Variants in SBF2 observed in about 807,000 individuals in gnomAD.
SBF2 encodes myotubularin-related protein 13.
In SBF2, 112 loss-of-function variants were observed where a neutral mutation model predicts 225.2. The ratio of observed to expected loss-of-function variants is 0.50; its 90% confidence interval spans 0.43 to 0.58. SBF2 has a LOEUF of 0.58. Among genes scored for constraint, SBF2 ranks in the 20% least tolerant of loss-of-function variants. The pLI is 0.00. For missense variants in SBF2, 1,996 were observed against 2,206.2 expected (o/e 0.90, Z 1.91); for synonymous variants, 763 against 773.3 (o/e 0.99, Z 0.22).
chr11:9,999,285 GTA>G (rs1947842970), intron 8 of SBF2, among the ~76,000 whole-genome samples: 1 of 73,586 alleles, frequency 1.4e-5, no homozygotes, highest in African/African-American at 4.9e-5. Context: ...GTGACTGTAT[GTA>G]TGTATGTATG....
chr11:10,269,931 C>T (rs981895244), intron 1 of SBF2, among the ~76,000 whole-genome samples: 1 of 152,070 alleles, frequency 6.6e-6, no homozygotes, highest in African/African-American at 2.4e-5. Context: ...CTAGCTCATC[C>T]CACACTTCTA....
At chr11:9,911,294 G>C (rs1449554905) in intron 16 of SBF2, among the ~76,000 whole-genome samples, 2 of 151,644 alleles carry the variant, frequency 1.3e-5, no homozygotes, top group Non-Finnish European at 1.5e-5. Context: ...TTGAACCTGG[G>C]AGGTGGAAGT....
At position 10,001,040 on chromosome 11, in the gene SBF2, A is replaced by G. The variant is rs754778686; in HGVS notation, c.753-18T>C. ...AAGGATAACTGGAAATAATAAAAAT[A>G]TGCGTCAAATATATTTTTCTTTAAC... On this transcript the variant is annotated intron_variant, in intron 7 of 39. Coordinates refer to ENST00000256190, the MANE Select transcript of SBF2 (RefSeq NM_030962.4). 4 of 1,252,942 alleles carry G rather than the reference A, an allele frequency of 3.2e-6. No homozygotes were observed. The African/African-American group carries it at 5.9e-5, about 19-fold the overall frequency. 77.6% of individuals were successfully genotyped at this position (1,252,942 alleles called of 1,614,324 possible).
chr11:10,285,590 T>G (rs1963703991), intron 1 of SBF2, among the ~76,000 whole-genome samples: 1 of 152,148 alleles, frequency 6.6e-6, no homozygotes, highest in South Asian at 2.1e-4. Flanking sequence ...GTAAATAACT[T>G]TGTAACTTCA....
chr11:10,142,173 G>C (rs1270067065), intron 2 of SBF2, among the ~76,000 whole-genome samples: 1 of 152,174 alleles, frequency 6.6e-6, no homozygotes, highest in African/African-American at 2.4e-5. Flanking sequence ...AAGAAGTATA[G>C]ATACGGATAA....
At chr11:10,121,017 C>T (rs761497996) in intron 2 of SBF2, among the ~76,000 whole-genome samples, 1 of 152,156 alleles carries the variant, frequency 6.6e-6, no homozygotes, top group Non-Finnish European at 1.5e-5. Context: ...CTACCTGCCT[C>T]GGCCTCCCAA....
chr11:9,968,442 C>T lies in SBF2; in HGVS notation c.1499G>A (p.Arg500Gln), dbSNP rs759084094. 32 of 1,613,942 alleles carry T rather than the reference C, an allele frequency of 2.0e-5. No individual in the cohort carries two copies. The Admixed American group carries it at 2.5e-4, about 13-fold the overall frequency. The change falls in exon 14 of 40, where the codon CGG (arginine) becomes CAG (glutamine). Residue 500 changes from arginine (R) to glutamine (Q), a missense_variant. By Grantham distance (43) the Arg-to-Gln change is conservative. Coordinates refer to ENST00000256190, the MANE Select transcript of SBF2 (RefSeq NM_030962.4). ...ATTTTCCTGTATTAATTCCTGAACCCGGGCTTCATTAATCTCTGGGAAAGG... is the reference window on the plus strand; with the variant it reads ...ATTTTCCTGTATTAATTCCTGAACCTGGGCTTCATTAATCTCTGGGAAAGG... The part of the protein sequence containing the change: ...ILPFPEINEA[R>Q]VQELIQENVA...
chr11:10,081,987 T>C (rs560218609), intron 2 of SBF2, among the ~76,000 whole-genome samples: 26 of 151,844 alleles, frequency 1.7e-4, no homozygotes, highest in African/African-American at 6.0e-4. Flanking sequence ...GATAGAACAC[T>C]TGACTAACCA....
intron 2 of SBF2, among the ~76,000 whole-genome samples, chr11:10,139,206 T>C (rs1207597162): frequency 6.6e-6 from 1 of 152,220 alleles, no homozygotes; most frequent in African/African-American, 2.4e-5. Context: ...GTTAAGATTT[T>C]CATTTATTTA....
chr11:10,096,579 T>C (rs1271704523), intron 2 of SBF2, among the ~76,000 whole-genome samples: 1 of 152,134 alleles, frequency 6.6e-6, no homozygotes, highest in Non-Finnish European at 1.5e-5. Flanking sequence ...AAAAAAGCCT[T>C]ACGAGACTTA....
chr11:10,087,780 A>G (rs1362288878), intron 2 of SBF2, among the ~76,000 whole-genome samples: 4 of 152,180 alleles, frequency 2.6e-5, no homozygotes, highest in Admixed American at 2.6e-4. Flanking sequence ...GTTTTGAAGA[A>G]CAATAGTGAC....
Position 9,888,641 on chromosome 11 carries a change from T to C in SBF2, c.1929+7302A>G, listed in dbSNP as rs374439920. Among the ~76,000 whole-genome samples the C allele has an allele frequency of 3.7e-3, 564 of 152,288 alleles. 3 individuals carry two copies. The highest frequency in any genetic ancestry group is 5.0e-3 in the South Asian group (24 of 4,834). On this transcript the variant is annotated intron_variant, in intron 17 of 39. Transcript: ENST00000256190. Reference sequence around the variant, plus strand: ...ATGAAGTATCCTTGCTGGTTATATGTGTGAAAATGCCTGAAGAAATTAGAG... The same window carrying C: ...ATGAAGTATCCTTGCTGGTTATATGCGTGAAAATGCCTGAAGAAATTAGAG...
At chr11:10,022,253 A>G (rs181746984) in intron 6 of SBF2, among the ~76,000 whole-genome samples, 4 of 152,282 alleles carry the variant, frequency 2.6e-5, no homozygotes, top group Admixed American at 1.3e-4. Context: ...AGGGGAAAAA[A>G]GCATAGGATA....
At chr11:10,114,305 A>G (rs1255406271) in intron 2 of SBF2, among the ~76,000 whole-genome samples, 1 of 152,158 alleles carries the variant, frequency 6.6e-6, no homozygotes, top group Non-Finnish European at 1.5e-5. Context: ...TCCATCTTCA[A>G]TCTGAGATCT....
At chr11:9,837,208 A>T (rs1855782720) in intron 26 of SBF2, among the ~76,000 whole-genome samples, 3 of 152,180 alleles carry the variant, frequency 2.0e-5, no homozygotes, top group Admixed American at 2.0e-4. Context: ...TAAGATAAGT[A>T]ATTTCCTGTG....
intron 1 of SBF2, among the ~76,000 whole-genome samples, chr11:10,248,465 T>C (rs551330996): frequency 6.6e-6 from 1 of 152,056 alleles, no homozygotes; most frequent in South Asian, 2.1e-4. Context: ...ACTTGTGGAG[T>C]GAGATGCTGG....
At chr11:10,177,688 A>G (rs1956531351) in intron 2 of SBF2, among the ~76,000 whole-genome samples, 4 of 151,988 alleles carry the variant, frequency 2.6e-5, no homozygotes, top group Admixed American at 1.3e-4. Flanking sequence ...CAAGGAAATA[A>G]AAGAGGATAC....
At chr11:10,289,520 C>T (rs937056632) in intron 1 of SBF2, among the ~76,000 whole-genome samples, 12 of 152,132 alleles carry the variant, frequency 7.9e-5, no homozygotes, top group Admixed American at 3.3e-4. Context: ...AACATCTCTA[C>T]GAGCTCCCCC....
At chr11:9,948,158 T>C (rs1473375272) in intron 16 of SBF2, among the ~76,000 whole-genome samples, 1 of 151,502 alleles carries the variant, frequency 6.6e-6, no homozygotes, top group Non-Finnish European at 1.5e-5. Context: ...AATCAGCAAG[T>C]CACAAAAGAA....
Sources: gnomAD v4.1 joint callset for allele counts (sites outside exome capture counted in the v4.1 genomes callset) on GRCh38, gnomAD v4.1.1 for gene constraint, MANE v1.5 for transcripts, NCBI Gene and HGNC (gene_info 2026-07-23, HGNC 2026-07-21) for gene names.